BMPER: variants seen among roughly 807,000 people sequenced by gnomAD.
The protein encoded by BMPER is BMP-binding endothelial regulator protein.
BMPER carries 45 observed loss-of-function variants against 87.3 expected under a neutral mutation model. That is an observed-to-expected ratio of 0.52 (90% CI 0.41 to 0.66). The LOEUF (loss-of-function observed/expected upper bound fraction) is 0.66, where lower values mean the gene tolerates loss of function less well. BMPER is among the 30% of genes least tolerant of loss of function. BMPER has a pLI of 0.00. For synonymous variants in BMPER, 326 were observed against 316.2 expected (o/e 1.03, Z -0.33); for missense variants, 784 against 867.5 (o/e 0.90, Z 1.21).
rs1406150203 is a variant in BMPER, at chr7:33,937,316, A to C, written c.247A>C (p.Lys83Gln). 1 of 1,614,170 alleles carries C rather than the reference A, an allele frequency of 6.2e-7. No homozygotes were observed. Among genetic ancestry groups the C allele is most frequent in the South Asian group, 1.1e-5 (1 of 91,082 alleles). The change falls in exon 3 of 15, where the codon AAG becomes CAG. Residue 83 changes from lysine (K) to glutamine (Q), a missense_variant. By Grantham distance (53) the Lys-to-Gln change is moderately conservative (BLOSUM62 1). Transcript: ENST00000649409. ...CAAGGAAGTGACATGTAAGAGAGAG[A>C]AGTGCCCCGTGCTGTCCCGAGACTG... Reference protein sequence around the residue: ...LNKEVTCKREKCPVLSRDCAL... With the variant: ...LNKEVTCKREQCPVLSRDCAL...
chr7:34,126,621 T>C (rs968563631), intron 13 of BMPER, among the ~76,000 whole-genome samples: 1 of 152,216 alleles, frequency 6.6e-6, no homozygotes, highest in Non-Finnish European at 1.5e-5. Context: ...ACTTTTCCTA[T>C]TGAGTCTTAA....
intron 6 of BMPER, among the ~76,000 whole-genome samples, chr7:34,042,212 T>TA (rs1268465360): frequency 3.3e-5 from 5 of 152,194 alleles, no homozygotes; most frequent in Admixed American, 6.5e-5. Flanking sequence ...TCTTTCTTTT[T>TA]AAAAAATAGC....
intron 13 of BMPER, among the ~76,000 whole-genome samples, chr7:34,098,055 C>T (rs1038659919): frequency 6.6e-6 from 1 of 151,954 alleles, no homozygotes; most frequent in African/African-American, 2.4e-5. Context: ...TGAAGTCATG[C>T]CCAGAGAAAG....
Position 34,006,797 on chromosome 7 carries a change from G to T in BMPER, c.576+32013G>T, listed in dbSNP as rs1562685289. On this transcript the variant is annotated intron_variant, in intron 6 of 14. Coordinates refer to ENST00000649409, the MANE Select transcript of BMPER (RefSeq NM_001365308.1). Reference sequence around the variant, plus strand: ...TTGAGAGAAGTTCATGAATTTGGTGGCCATAGTTTGATCTGTAGTGCAAAT... The same window carrying T: ...TTGAGAGAAGTTCATGAATTTGGTGTCCATAGTTTGATCTGTAGTGCAAAT... Among the ~76,000 whole-genome samples, 8 of 152,028 alleles carry T rather than the reference G, an allele frequency of 5.3e-5. 1 individual carries two copies. In the South Asian group the frequency reaches 1.7e-3, roughly 31 times the overall value.
At chr7:33,935,662 A>G (rs966231108) in intron 2 of BMPER, among the ~76,000 whole-genome samples, 2 of 152,104 alleles carry the variant, frequency 1.3e-5, no homozygotes, top group African/African-American at 4.8e-5. Context: ...TCACCCTCCC[A>G]TCATAAGGAC....
intron 6 of BMPER, among the ~76,000 whole-genome samples, chr7:33,980,208 A>G (rs1344398748): frequency 9.9e-5 from 15 of 152,230 alleles, no homozygotes. Flanking sequence ...AAGAGCCAAG[A>G]GAATCACTTC....
chr7:34,024,383 C>CT (rs1562695175), intron 6 of BMPER, among the ~76,000 whole-genome samples: 17 of 7,252 alleles, frequency 2.3e-3, no homozygotes, highest in African/African-American at 7.4e-3. Context: ...AAAAAAAAAA[C>CT]AATATATATA....
In BMPER at chr7:34,078,893, A is replaced by G. The variant is rs1562728956; in HGVS notation, c.1115A>G (p.Tyr372Cys). Reference sequence around the variant, plus strand: ...TGCACGGTGTTTGGAGATCCCCACTACAACACTTTTGACGGTCGGACATTT... The same window carrying G: ...TGCACGGTGTTTGGAGATCCCCACTGCAACACTTTTGACGGTCGGACATTT... ...GVCTVFGDPH[Y>C]NTFDGRTFNF... The change falls in exon 12 of 15, where the codon TAC becomes TGC. Residue 372 changes from tyrosine (Y) to cysteine (C), a missense_variant. Physicochemically the swap from Tyr to Cys is radical, Grantham distance 194 (BLOSUM62 -2). Coordinates refer to ENST00000649409, the MANE Select transcript of BMPER (RefSeq NM_001365308.1). 6.8e-6 allele frequency: 11 copies of G among 1,614,198 alleles called. No individual in the cohort carries two copies. Among genetic ancestry groups the G allele is most frequent in the African/African-American group, 1.3e-5 (1 of 75,038 alleles).
At chr7:34,033,847 A>C (rs1322822991) in intron 6 of BMPER, among the ~76,000 whole-genome samples, 1 of 152,242 alleles carries the variant, frequency 6.6e-6, no homozygotes, top group African/African-American at 2.4e-5. Flanking sequence ...TACTTCTGGT[A>C]AGCCCTTAAA....
intron 6 of BMPER, among the ~76,000 whole-genome samples, chr7:34,012,897 C>T (rs1041208016): frequency 6.6e-6 from 1 of 151,940 alleles, no homozygotes; most frequent in South Asian, 2.1e-4. Context: ...CTCTAACCAT[C>T]TGTTGTTTCT....
rs553941088 is a variant in BMPER at position 34,109,959 on chromosome 7, T to C, written c.1745+23867T>C. On this transcript the variant is annotated intron_variant, in intron 13 of 14. Transcript: ENST00000649409. The stretch of plus-strand genomic sequence containing the variant: ...TTTATTCTCCTGGTTTTTAATGTTA[T>C]AGAGAATCTTGCTGACAGTCACTAT... Among the ~76,000 whole-genome samples, 4 of 152,298 alleles carry C rather than the reference T, an allele frequency of 2.6e-5. 1 individual carries two copies. Among genetic ancestry groups the C allele is most frequent in the East Asian group, 1.9e-4 (1 of 5,178 alleles).
At chr7:34,064,359 G>A (rs917302517) in intron 11 of BMPER, among the ~76,000 whole-genome samples, 10 of 151,912 alleles carry the variant, frequency 6.6e-5, no homozygotes, top group African/African-American at 2.4e-4. Context: ...TATTTTGCAA[G>A]GATCAAATAG....
intron 13 of BMPER, among the ~76,000 whole-genome samples, chr7:34,107,913 C>T (rs1464323839): frequency 3.3e-5 from 5 of 152,142 alleles, no homozygotes; most frequent in African/African-American, 9.7e-5. Flanking sequence ...CCTCAATCTC[C>T]TTATCTATAA....
intron 6 of BMPER, among the ~76,000 whole-genome samples, chr7:34,007,136 T>C (rs532228207): frequency 2.0e-5 from 3 of 152,130 alleles, no homozygotes; most frequent in South Asian, 2.1e-4. Flanking sequence ...GATAAAATCA[T>C]AGGACCTTAG....
chr7:34,020,926 G>A (rs1787168032), intron 6 of BMPER, among the ~76,000 whole-genome samples: 1 of 151,668 alleles, frequency 6.6e-6, no homozygotes, highest in African/African-American at 2.4e-5. Flanking sequence ...GTTATAGGGT[G>A]TGTGTGTATA....
intron 12 of BMPER, among the ~76,000 whole-genome samples, chr7:34,083,885 A>G (rs1789122503): frequency 6.6e-6 from 1 of 151,984 alleles, no homozygotes; most frequent in South Asian, 2.1e-4. Flanking sequence ...CATCAGCTTA[A>G]TCTTGATCTT....
chr7:33,936,270 T>C (rs1784599019), intron 2 of BMPER, among the ~76,000 whole-genome samples: 1 of 152,156 alleles, frequency 6.6e-6, no homozygotes, highest in South Asian at 2.1e-4. Context: ...CAGTTGCTCC[T>C]CTCCAACCTG....
chr7:34,004,203 T>A (rs115224014), intron 6 of BMPER, among the ~76,000 whole-genome samples: 3 of 152,146 alleles, frequency 2.0e-5, no homozygotes, highest in Non-Finnish European at 4.4e-5. Flanking sequence ...GAATTTTTCA[T>A]TACAGTTATT....
chr7:34,141,610 C>CAAAAA (rs70997567), intron 13 of BMPER, among the ~76,000 whole-genome samples: 14 of 54,984 alleles, frequency 2.5e-4, no homozygotes, highest in East Asian at 6.5e-4. Context: ...AACACCATCT[C>CAAAAA]AAAAAAAAAA....
Sources: allele counts gnomAD v4.1 joint callset (sites outside exome capture counted in the v4.1 genomes callset), GRCh38; gene constraint gnomAD v4.1.1; transcripts MANE v1.5; gene names NCBI Gene and HGNC (gene_info 2026-07-23, HGNC 2026-07-21).